KLHL3: variants seen among roughly 807,000 people sequenced by gnomAD.
The protein encoded by KLHL3 is kelch like family member 3, also known as kelch-like protein 3.
Under a neutral mutation model 70.5 loss-of-function variants are expected in KLHL3, and 19 were observed. That is an observed-to-expected ratio of 0.27 (90% CI 0.19 to 0.40). KLHL3 has a LOEUF of 0.40. Ranked by LOEUF, KLHL3 falls within the 10% of genes least tolerant of loss-of-function variation. The pLI is 1.00. For synonymous variants in KLHL3, 258 were observed against 290.3 expected, an observed-to-expected ratio of 0.89 and a Z score of 1.13; for missense variants, 512 against 771.1, an observed-to-expected ratio of 0.66 and a Z score of 3.98.
intron 5 of KLHL3, among the ~76,000 whole-genome samples, chr5:137,689,315 G>A (rs1752260757): frequency 6.6e-6 from 1 of 152,192 alleles, no homozygotes; most frequent in Middle Eastern, 3.2e-3. Context: ...ATTTGACCCA[G>A]CAACCCCATT....
rs150222153 is a variant in KLHL3 at position 137,623,321 on chromosome 5, T to A, written c.1736-1195A>T. ...GATTGAAGATGAGATTGAGAGAACA[T>A]GGCTAAAATCAAGCCAGGATACCCC... is the stretch of plus-strand genomic sequence containing the variant. On this transcript the variant is annotated intron_variant, in intron 14 of 14. Coordinates refer to ENST00000309755, the MANE Select transcript of KLHL3 (RefSeq NM_017415.3). Among the ~76,000 whole-genome samples, 10 of 152,336 alleles carry A rather than the reference T, an allele frequency of 6.6e-5. No homozygotes were observed. The East Asian group carries it at 1.9e-3, about 29-fold the overall frequency.
intron 3 of KLHL3, among the ~76,000 whole-genome samples, chr5:137,708,250 G>A (rs1580778465): frequency 1.3e-5 from 2 of 152,124 alleles, no homozygotes; most frequent in African/African-American, 4.8e-5. Flanking sequence ...CAAGCCAAGG[G>A]GGACACACAT....
At chr5:137,668,014 C>A (rs1473045642) in intron 6 of KLHL3, among the ~76,000 whole-genome samples, 3 of 142,892 alleles carry the variant, frequency 2.1e-5, no homozygotes, top group Non-Finnish European at 4.7e-5. Context: ...CAAGGTCACA[C>A]TGCCAGGAAG....
At chr5:137,686,649 GGTCACAGGTCT>G (rs1752172642) in intron 5 of KLHL3, among the ~76,000 whole-genome samples, 1 of 152,202 alleles carries the variant, frequency 6.6e-6, no homozygotes, top group Admixed American at 6.5e-5. Context: ...AGTAGAGTGA[GGTCACAGGTCT>G]GTCTCAAGAG....
At chr5:137,670,750 A>G (rs1751734198) in intron 6 of KLHL3, among the ~76,000 whole-genome samples, 1 of 152,008 alleles carries the variant, frequency 6.6e-6, no homozygotes, top group African/African-American at 2.4e-5. Context: ...CAGGCGGATC[A>G]TGAGGTCAGG....
intron 8 of KLHL3, among the ~76,000 whole-genome samples, chr5:137,657,369 T>TA (rs1180372108): frequency 6.6e-6 from 1 of 152,178 alleles, no homozygotes; most frequent in East Asian, 1.9e-4. Context: ...ATCAGCATGT[T>TA]AGACTCCTAA....
At chr5:137,706,184 G>GT in intron 3 of KLHL3, 3 of 985,418 alleles carry the variant, frequency 3.0e-6, no homozygotes, top group Non-Finnish European at 3.6e-6. Flanking sequence ...TTAAGCTTGA[G>GT]TAAAAGACCA....
intron 11 of KLHL3, among the ~76,000 whole-genome samples, chr5:137,636,184 G>A (rs1227893030): frequency 1.3e-5 from 2 of 152,124 alleles, no homozygotes; most frequent in African/African-American, 4.8e-5. Flanking sequence ...TGTTAGAATA[G>A]TACACCTTTA....
chr5:137,686,731 GC>G (rs1156769791), intron 5 of KLHL3, among the ~76,000 whole-genome samples: 2 of 152,204 alleles, frequency 1.3e-5, no homozygotes, highest in African/African-American at 4.8e-5. Flanking sequence ...AAAAAAGCAG[GC>G]CCACGTCAGT....
At chr5:137,735,522 A>G in intron 1 of KLHL3, 111 bp downstream of exon 1, 1 of 832,784 alleles carries the variant, frequency 1.2e-6, no homozygotes, top group Non-Finnish European at 2.1e-6. Context: ...ATCAGTGGCC[A>G]GGTCTTCCAA....
chr5:137,706,089 T>C, intron 3 of KLHL3: 2 of 985,404 alleles, frequency 2.0e-6, no homozygotes, highest in Non-Finnish European at 1.2e-6. Context: ...CACAGGACAA[T>C]GGTCAAGAAG....
intron 8 of KLHL3, among the ~76,000 whole-genome samples, chr5:137,645,028 C>T (rs146863567): frequency 5.4e-4 from 82 of 152,182 alleles, no homozygotes; most frequent in African/African-American, 1.7e-3. Flanking sequence ...TCAATAAAAA[C>T]GATACGTCAC....
chr5:137,637,435 G>C lies in KLHL3; in HGVS notation c.1220-40C>G. 3 of 1,565,524 alleles carry C rather than the reference G, an allele frequency of 1.9e-6. No individual in the cohort carries two copies. The East Asian group carries it at 6.7e-5, about 35-fold the overall frequency. ...ACTCATGAGACTTCCGTGGCACCAG[G>C]CCTCACCCTGCTGTGTGAGAAGCAG... On this transcript the variant is annotated intron_variant, in intron 10 of 14. Coordinates refer to ENST00000309755, the MANE Select transcript of KLHL3 (RefSeq NM_017415.3).
At chr5:137,707,900 G>A (rs1431610143) in intron 3 of KLHL3, among the ~76,000 whole-genome samples, 1 of 152,182 alleles carries the variant, frequency 6.6e-6, no homozygotes, top group African/African-American at 2.4e-5. Context: ...ATTCCAAACA[G>A]ATTCCTCTCT....
intron 8 of KLHL3, among the ~76,000 whole-genome samples, chr5:137,652,748 C>T (rs1194588168): frequency 1.3e-5 from 2 of 152,026 alleles, no homozygotes; most frequent in African/African-American, 4.8e-5. Context: ...TATAGTACAA[C>T]GTGGTGACTA....
chr5:137,686,429 T>A (rs767171538), intron 5 of KLHL3, among the ~76,000 whole-genome samples: 1 of 152,196 alleles, frequency 6.6e-6, no homozygotes, highest in African/African-American at 2.4e-5. Context: ...GCTACTCCCA[T>A]GATAGAGAGA....
intron 3 of KLHL3, among the ~76,000 whole-genome samples, chr5:137,702,557 G>A (rs73790038): frequency 0.022 from 3,374 of 152,296 alleles, 121 homozygotes; most frequent in African/African-American, 0.076. Flanking sequence ...CCACGCTAAG[G>A]AGTTTAGACT....
chr5:137,680,444 C>A (rs1185640092), intron 5 of KLHL3, among the ~76,000 whole-genome samples: 2 of 152,010 alleles, frequency 1.3e-5, no homozygotes, highest in Non-Finnish European at 2.9e-5. Context: ...TATATTAATT[C>A]ATTTTGACAG....
intron 8 of KLHL3, 41 bp downstream of exon 8, chr5:137,658,090 G>A (rs1235760261): frequency 6.3e-7 from 1 of 1,575,778 alleles, no homozygotes; most frequent in East Asian, 2.3e-5. Context: ...CTTTCCCAGG[G>A]CACAGTCCTG....
Sources: allele counts gnomAD v4.1 joint callset (sites outside exome capture counted in the v4.1 genomes callset), GRCh38; gene constraint gnomAD v4.1.1; transcripts MANE v1.5; gene names NCBI Gene and HGNC (gene_info 2026-07-23, HGNC 2026-07-21).